Variants in ROCK2 observed in about 807,000 individuals in gnomAD.
ROCK2 encodes the protein Rho associated coiled-coil containing protein kinase 2.
In ROCK2, 61 loss-of-function variants were observed where a neutral mutation model predicts 195.1. The ratio of observed to expected loss-of-function variants is 0.31; its 90% CI spans 0.25 to 0.39. The LOEUF (loss-of-function observed/expected upper bound fraction) is 0.39. ROCK2 is among the 10% of genes least tolerant of loss of function. ROCK2 has a pLI of 1.00. For missense variants in ROCK2, 1,109 were observed against 1,637.4 expected (o/e 0.68, Z 5.57); for synonymous variants, 504 against 545.5 (o/e 0.92, Z 1.06).
At chr2:11,283,388 G>A (rs1220683219) in intron 3 of ROCK2, among the ~76,000 whole-genome samples, 65 of 150,132 alleles carry the variant, frequency 4.3e-4, no homozygotes, top group Admixed American at 1.6e-3. Context: ...GTGAAACCCC[G>A]TCTCTACTAA....
chr2:11,317,600 A>ATTTT (rs1276721556), intron 1 of ROCK2, among the ~76,000 whole-genome samples: 10 of 16,586 alleles, frequency 6.0e-4, no homozygotes, highest in African/African-American at 1.6e-3. Context: ...ATATATATAT[A>ATTTT]TATATATATA....
chr2:11,261,454 A>T (rs1666222593), intron 3 of ROCK2, among the ~76,000 whole-genome samples: 1 of 152,138 alleles, frequency 6.6e-6, no homozygotes, highest in African/African-American at 2.4e-5. Context: ...TTTATTCAAT[A>T]CAGATGGACA....
Position 11,181,075 on chromosome 2 carries a change from TAATA to T in ROCK2, c.*2358_*2361del, listed in dbSNP as rs1302966782. 1.3e-5 allele frequency: 2 copies of T among 151,576 alleles called. No homozygotes were observed. The highest frequency in any genetic ancestry group is 6.6e-5 in the Admixed American group (1 of 15,164). 9.4% of individuals were successfully genotyped at this position (151,576 alleles called of 1,614,324 possible). On this transcript the variant is annotated 3_prime_UTR_variant, in exon 33 of 33. Coordinates refer to ENST00000315872, the MANE Select transcript of ROCK2 (RefSeq NM_004850.5). ...TCACACCATGATTCCCCATATTCTCTAATATATACAGCATTCCAAATTTAAACTT... is the reference window on the plus strand; with the variant it reads ...TCACACCATGATTCCCCATATTCTCTTATACAGCATTCCAAATTTAAACTT...
chr2:11,243,816 T>C (rs1025526573), intron 4 of ROCK2, among the ~76,000 whole-genome samples: 1 of 152,170 alleles, frequency 6.6e-6, no homozygotes, highest in Admixed American at 6.5e-5. Flanking sequence ...ATTTTAAAAA[T>C]CTAAATAAAG....
intron 1 of ROCK2, among the ~76,000 whole-genome samples, chr2:11,326,829 C>T (rs757848176): frequency 3.0e-4 from 45 of 152,178 alleles, no homozygotes; most frequent in Middle Eastern, 3.4e-3. Context: ...ACAAATGCTA[C>T]GGAGGAGATA....
At chr2:11,204,067 A>G (rs1663959620) in intron 20 of ROCK2, among the ~76,000 whole-genome samples, 1 of 152,244 alleles carries the variant, frequency 6.6e-6, no homozygotes, top group South Asian at 2.1e-4. Context: ...AAGAAATTAC[A>G]ATGAGAAGTA....
intron 32 of ROCK2, among the ~76,000 whole-genome samples, chr2:11,189,418 G>T (rs183345394): frequency 1.3e-4 from 20 of 152,242 alleles, no homozygotes; most frequent in Non-Finnish European, 2.1e-4. Context: ...CCTGAGGCTT[G>T]ATTCCTCCCT....
chr2:11,186,915 T>C (rs1457396648), intron 32 of ROCK2, among the ~76,000 whole-genome samples: 2 of 152,214 alleles, frequency 1.3e-5, no homozygotes, highest in Non-Finnish European at 2.9e-5. Context: ...CCAAGCGCTC[T>C]GTTCATCCCT....
chr2:11,241,369 T>G (rs975599935), intron 4 of ROCK2, among the ~76,000 whole-genome samples: 2 of 152,082 alleles, frequency 1.3e-5, no homozygotes, highest in Non-Finnish European at 2.9e-5. Flanking sequence ...AGATTACACA[T>G]GTGTAACTGA....
chr2:11,329,479 A>C (rs911281319), intron 1 of ROCK2, among the ~76,000 whole-genome samples: 16 of 151,460 alleles, frequency 1.1e-4, no homozygotes, highest in African/African-American at 3.7e-4. Flanking sequence ...AAAAAAAAAA[A>C]ACCGTAACTT....
Position 11,214,481 on chromosome 2 carries a change from T to C in ROCK2, c.1937-18A>G. The C allele has an allele frequency of 7.1e-7, 1 of 1,409,150 alleles. No individual in the cohort carries two copies. The highest frequency in any genetic ancestry group is 1.0e-6 in the Non-Finnish European group (1 of 1,004,402). 87.3% of individuals were successfully genotyped at this position (1,409,150 alleles called of 1,614,324 possible). On this transcript the variant is annotated intron_variant, in intron 16 of 32. Transcript: ENST00000315872. ...TATTCTACCTAAAAATTGCAACGTT[T>C]TTTTAAAACATTAAACCCACAAAGT...
At chr2:11,245,657 A>G (rs1665586941) in intron 4 of ROCK2, among the ~76,000 whole-genome samples, 1 of 152,192 alleles carries the variant, frequency 6.6e-6, no homozygotes. Flanking sequence ...ACACATCAAG[A>G]GCAGCAAATG....
chr2:11,236,842 C>G (rs1665224125), intron 4 of ROCK2, among the ~76,000 whole-genome samples: 1 of 151,992 alleles, frequency 6.6e-6, no homozygotes, highest in Non-Finnish European at 1.5e-5. Flanking sequence ...TAGGACAAAC[C>G]GAAGACAGCT....
chr2:11,270,877 T>C lies in ROCK2; in HGVS notation c.324+15662A>G, dbSNP rs12329049. 8.6e-3 allele frequency among the ~76,000 whole-genome samples: 1,305 copies of C among 152,326 alleles called. 20 individuals carry two copies. Among genetic ancestry groups the C allele is most frequent in the African/African-American group, 0.03 (1,242 of 41,564 alleles). ...TCTTCAAAATCTTTTTTCCTGCCTT[T>C]TAGTATGCTTTGTAATTTTTCCTTG... On this transcript the variant is annotated intron_variant, in intron 3 of 32. Coordinates refer to ENST00000315872, the MANE Select transcript of ROCK2 (RefSeq NM_004850.5).
chr2:11,339,207 T>C (rs1669028408), intron 1 of ROCK2, among the ~76,000 whole-genome samples: 1 of 152,220 alleles, frequency 6.6e-6, no homozygotes, highest in African/African-American at 2.4e-5. Context: ...ATCTCCAATT[T>C]ACTTTAAGTG....
chr2:11,259,540 C>T (rs1042251336), intron 3 of ROCK2, among the ~76,000 whole-genome samples: 1 of 151,350 alleles, frequency 6.6e-6, no homozygotes, highest in Non-Finnish European at 1.5e-5. Flanking sequence ...CTCTCTGAGA[C>T]TCAGTTTTGC....
intron 1 of ROCK2, among the ~76,000 whole-genome samples, chr2:11,340,346 A>G (rs1669064034): frequency 1.3e-5 from 2 of 152,200 alleles, no homozygotes; most frequent in South Asian, 4.1e-4. Flanking sequence ...CATCAAATAC[A>G]TTTTACCAAA....
chr2:11,211,243 T>C (rs758101399), intron 18 of ROCK2, among the ~76,000 whole-genome samples: 3 of 152,188 alleles, frequency 2.0e-5, no homozygotes, highest in Non-Finnish European at 4.4e-5. Context: ...CAGCTATTAC[T>C]TTTAAATTCT....
chr2:11,188,952 C>T (rs558741576), intron 32 of ROCK2, among the ~76,000 whole-genome samples: 1 of 150,738 alleles, frequency 6.6e-6, no homozygotes, highest in Non-Finnish European at 1.5e-5. Flanking sequence ...AGGAGAATTG[C>T]TTGAACCTGG....
Sources: gnomAD v4.1 joint callset for allele counts (sites outside exome capture counted in the v4.1 genomes callset) on GRCh38, gnomAD v4.1.1 for gene constraint, MANE v1.5 for transcripts, NCBI Gene and HGNC (gene_info 2026-07-23, HGNC 2026-07-21) for gene names.